Variants in MAML2 observed in about 807,000 individuals in gnomAD.
MAML2 encodes the protein mastermind like transcriptional coactivator 2.
MAML2 carries 22 observed loss-of-function variants against 96.1 expected under a neutral mutation model. The ratio of observed to expected loss-of-function variants is 0.23; its 90% CI spans 0.16 to 0.33. The LOEUF (loss-of-function observed/expected upper bound fraction) is 0.33. MAML2 is among the 10% of genes least tolerant of loss of function. MAML2 has a pLI of 1.00. For synonymous variants in MAML2, 561 were observed against 521.3 expected, an observed-to-expected ratio of 1.08 and a Z score of -1.04; for missense variants, 1,367 against 1,392.4, an observed-to-expected ratio of 0.98 and a Z score of 0.29.
chr11:96,144,682 A>T (rs1323524894), intron 1 of MAML2, among the ~76,000 whole-genome samples: 1 of 152,244 alleles, frequency 6.6e-6, no homozygotes, highest in Non-Finnish European at 1.5e-5. Flanking sequence ...AGAAACAGTA[A>T]CAAATAATAA....
intron 1 of MAML2, among the ~76,000 whole-genome samples, chr11:96,274,044 T>G (rs1862949504): frequency 6.6e-6 from 1 of 151,412 alleles, no homozygotes; most frequent in South Asian, 2.1e-4. Flanking sequence ...TATTCCTAGT[T>G]CTTTTTCTTG....
rs75676784 is a variant in MAML2, at chr11:96,199,958, G to T, written c.514-106441C>A. ...TTTCATTAAGTACATTCACCTTCTC[G>T]CTCCACTGGGAAGGGAATCACTTAA... On this transcript the variant is annotated intron_variant, in intron 1 of 4. Coordinates refer to ENST00000524717, the MANE Select transcript of MAML2 (RefSeq NM_032427.4). Among the ~76,000 whole-genome samples, 523 of 152,180 alleles carry T rather than the reference G, an allele frequency of 3.4e-3. 14 individuals carry two copies. Among genetic ancestry groups the T allele is most frequent in the East Asian group, 0.026 (134 of 5,186 alleles).
chr11:96,117,789 T>C (rs72969791), intron 1 of MAML2, among the ~76,000 whole-genome samples: 49 of 152,314 alleles, frequency 3.2e-4, no homozygotes, highest in Non-Finnish European at 6.8e-4. Context: ...AAAATTGTAC[T>C]TAATCAAGAC....
chr11:96,067,580 A>T (rs1043909290), intron 2 of MAML2, among the ~76,000 whole-genome samples: 1 of 88,492 alleles, frequency 1.1e-5, no homozygotes, highest in Non-Finnish European at 2.7e-5. Context: ...TGGAAATTAT[A>T]TCCCATTTGG....
At chr11:96,095,198 A>T (rs938995292) in intron 1 of MAML2, among the ~76,000 whole-genome samples, 6 of 152,138 alleles carry the variant, frequency 3.9e-5, no homozygotes, top group African/African-American at 1.4e-4. Flanking sequence ...ACCTAGTATA[A>T]AGGGGCCAGG....
chr11:96,069,213 C>T (rs1859299466), intron 2 of MAML2, among the ~76,000 whole-genome samples: 1 of 152,132 alleles, frequency 6.6e-6, no homozygotes, highest in Non-Finnish European at 1.5e-5. Flanking sequence ...CAAGGGTGAG[C>T]CACTGAGTCT....
chr11:96,026,261 C>CA (rs1858515971), intron 2 of MAML2, among the ~76,000 whole-genome samples: 1 of 152,196 alleles, frequency 6.6e-6, no homozygotes, highest in South Asian at 2.1e-4. Context: ...ACCTGCAGCC[C>CA]TGCGGCTAAA....
intron 1 of MAML2, among the ~76,000 whole-genome samples, chr11:96,114,131 C>A (rs1333506618): frequency 6.6e-6 from 1 of 152,020 alleles, no homozygotes; most frequent in Non-Finnish European, 1.5e-5. Flanking sequence ...ATTGCCTAGG[C>A]TGGTCTTGAA....
intron 1 of MAML2, among the ~76,000 whole-genome samples, chr11:96,277,657 C>G (rs1168190761): frequency 6.8e-5 from 10 of 147,398 alleles, no homozygotes; most frequent in Non-Finnish European, 1.0e-4. Flanking sequence ...GAGGCTGAGG[C>G]AGGAGAATCG....
chr11:96,269,727 C>G (rs201470649), intron 1 of MAML2, among the ~76,000 whole-genome samples: 1 of 143,444 alleles, frequency 7.0e-6, no homozygotes, highest in East Asian at 2.0e-4. Flanking sequence ...GCCAGGCTGA[C>G]CTCAAACTCC....
At chr11:96,332,302 G>A (rs1483059032) in intron 1 of MAML2, among the ~76,000 whole-genome samples, 1 of 152,182 alleles carries the variant, frequency 6.6e-6, no homozygotes, top group Non-Finnish European at 1.5e-5. Context: ...ATCTTCCTGA[G>A]GGAAATGCTT....
chr11:96,285,884 AATTAGTTCAACCATTGTGG>A (rs1863132353), intron 1 of MAML2, among the ~76,000 whole-genome samples: 1 of 152,220 alleles, frequency 6.6e-6, no homozygotes, highest in Admixed American at 6.5e-5. Flanking sequence ...TGAGAATGTA[AATTAGTTCAACCATTGTGG>A]AAGAGAGTGT....
At chr11:96,340,695 T>C (rs1318744223) in intron 1 of MAML2, among the ~76,000 whole-genome samples, 3 of 152,194 alleles carry the variant, frequency 2.0e-5, no homozygotes, top group Admixed American at 6.5e-5. Flanking sequence ...GGAGCATTAC[T>C]GGATTGGACT....
chr11:96,011,729 C>CA (rs1003645187), intron 2 of MAML2, among the ~76,000 whole-genome samples: 2 of 151,680 alleles, frequency 1.3e-5, no homozygotes, highest in Non-Finnish European at 2.9e-5. Flanking sequence ...AACAAGCAAA[C>CA]AAAAAAATGG....
chr11:96,141,671 C>T (rs182384621), intron 1 of MAML2, among the ~76,000 whole-genome samples: 91 of 152,316 alleles, frequency 6.0e-4, no homozygotes, highest in African/African-American at 2.0e-3. Context: ...CTTCCTTCTC[C>T]ACACATAAGG....
rs75776090 is a variant in MAML2, at chr11:96,099,619, G to A, written c.514-6102C>T. 3.3e-3 allele frequency among the ~76,000 whole-genome samples: 499 copies of A among 152,178 alleles called. 1 individual carries two copies. The highest frequency in any genetic ancestry group is 5.3e-3 in the Non-Finnish European group (363 of 68,020). ...ATTCTAGGTGTTTTAATAATTATTC[G>A]TTGACCTCAGTGCCTGGGAAACGGG... On this transcript the variant is annotated intron_variant, in intron 1 of 4. Transcript: ENST00000524717.
intron 1 of MAML2, among the ~76,000 whole-genome samples, chr11:96,231,990 C>T (rs767709316): frequency 6.6e-6 from 1 of 152,164 alleles, no homozygotes; most frequent in Non-Finnish European, 1.5e-5. Context: ...TCTAGTTATG[C>T]TAGATAGGGA....
intron 2 of MAML2, among the ~76,000 whole-genome samples, chr11:96,074,530 T>C (rs1375244199): frequency 6.6e-6 from 1 of 152,230 alleles, no homozygotes; most frequent in Non-Finnish European, 1.5e-5. Flanking sequence ...GAGGTTAATA[T>C]GGAGGAAAGA....
At chr11:96,043,875 GCATT>G (rs2135758859) in intron 2 of MAML2, among the ~76,000 whole-genome samples, 1 of 152,286 alleles carries the variant, frequency 6.6e-6, no homozygotes. Context: ...TCCAACAGAG[GCATT>G]CAAAGAAAGG....
Sources: allele counts gnomAD v4.1 joint callset (sites outside exome capture counted in the v4.1 genomes callset), GRCh38; gene constraint gnomAD v4.1.1; transcripts MANE v1.5; gene names NCBI Gene and HGNC (gene_info 2026-07-23, HGNC 2026-07-21).